The following EXT1 variants were observed in gnomAD, a reference collection of about 807,000 sequenced individuals.
EXT1 encodes the protein exostosin glycosyltransferase 1.
EXT1 carries 20 observed loss-of-function variants against 82.5 expected under a neutral mutation model. That is an observed-to-expected ratio of 0.24 (90% CI 0.17 to 0.35). EXT1 has a LOEUF of 0.35. Ranked by LOEUF, EXT1 falls within the 10% of genes least tolerant of loss-of-function variation. The pLI, the probability that EXT1 is intolerant of heterozygous loss-of-function variation, is 1.00. For missense variants in EXT1, 757 were observed against 936.5 expected, an observed-to-expected ratio of 0.81 and a Z score of 2.50; for synonymous variants, 348 against 350.8, an observed-to-expected ratio of 0.99 and a Z score of 0.09.
chr8:117,897,591 C>CTCTTT (rs775608794), intron 1 of EXT1, among the ~76,000 whole-genome samples: 1 of 90,692 alleles, frequency 1.1e-5, no homozygotes, highest in African/African-American at 4.4e-5. Context: ...CTTCTTTTCT[C>CTCTTT]TTTTTTTTTT....
chr8:117,817,606 T>C (rs1465572593), intron 7 of EXT1, among the ~76,000 whole-genome samples: 1 of 151,984 alleles, frequency 6.6e-6, no homozygotes, highest in African/African-American at 2.4e-5. Flanking sequence ...AAAGAATATA[T>C]GGGAATGTTG....
intron 1 of EXT1, among the ~76,000 whole-genome samples, chr8:117,957,048 C>A (rs1174195461): frequency 6.6e-6 from 1 of 152,180 alleles, no homozygotes; most frequent in East Asian, 1.9e-4. Flanking sequence ...CTGGAACCAT[C>A]TGATAGTTCC....
chr8:117,833,090 T>C (rs1236468515), intron 3 of EXT1, among the ~76,000 whole-genome samples: 1 of 152,126 alleles, frequency 6.6e-6, no homozygotes, highest in African/African-American at 2.4e-5. Flanking sequence ...CAAAAAAACA[T>C]TTCCCAGAGC....
intron 1 of EXT1, among the ~76,000 whole-genome samples, chr8:117,917,798 C>A (rs1051374531): frequency 1.3e-5 from 2 of 152,136 alleles, no homozygotes; most frequent in Non-Finnish European, 2.9e-5. Context: ...TGGTGGGTGG[C>A]GCTGTTAGTC....
intron 1 of EXT1, among the ~76,000 whole-genome samples, chr8:117,944,840 G>T (rs1814354992): frequency 1.3e-5 from 2 of 152,018 alleles, no homozygotes. Flanking sequence ...GAACCTCTAT[G>T]GACCAGGTCT....
chr8:117,935,973 A>G (rs536071676), intron 1 of EXT1, among the ~76,000 whole-genome samples: 43 of 152,336 alleles, frequency 2.8e-4, no homozygotes, highest in African/African-American at 1.0e-3. Flanking sequence ...AGTCGCTTTC[A>G]TAAAATCTTG....
At chr8:117,998,709 A>G (rs1048332536) in intron 1 of EXT1, among the ~76,000 whole-genome samples, 1 of 152,192 alleles carries the variant, frequency 6.6e-6, no homozygotes, top group African/African-American at 2.4e-5. Context: ...ACACAAATAT[A>G]GAAGAGCTGA....
intron 3 of EXT1, among the ~76,000 whole-genome samples, 162 bp downstream of exon 3, chr8:117,835,282 C>T (rs1196881646): frequency 1.3e-5 from 2 of 152,156 alleles, no homozygotes; most frequent in Non-Finnish European, 2.9e-5. Context: ...GGAAAGTGAA[C>T]AATGTCATAT....
At chr8:118,083,068 T>C (rs941625097) in intron 1 of EXT1, among the ~76,000 whole-genome samples, 4 of 152,138 alleles carry the variant, frequency 2.6e-5, no homozygotes, top group Non-Finnish European at 4.4e-5. Flanking sequence ...ACAAGACCAA[T>C]TGACAGTTAA....
At chr8:118,047,882 A>C (rs1415578910) in intron 1 of EXT1, among the ~76,000 whole-genome samples, 1 of 152,120 alleles carries the variant, frequency 6.6e-6, no homozygotes, top group Non-Finnish European at 1.5e-5. Flanking sequence ...TCAATCAATC[A>C]ATTAATCAAT....
intron 1 of EXT1, among the ~76,000 whole-genome samples, chr8:117,870,915 A>C (rs1416065895): frequency 1.3e-5 from 2 of 152,196 alleles, no homozygotes; most frequent in Non-Finnish European, 2.9e-5. Context: ...TTAGTATTAT[A>C]AACAGCATTC....
chr8:118,014,385 T>C (rs552864208), intron 1 of EXT1, among the ~76,000 whole-genome samples: 3 of 152,338 alleles, frequency 2.0e-5, no homozygotes, highest in Admixed American at 6.5e-5. Context: ...ATGTATTTTA[T>C]GCAAAATAGT....
chr8:117,969,122 G>C (rs937665137), intron 1 of EXT1, among the ~76,000 whole-genome samples: 1 of 152,074 alleles, frequency 6.6e-6, no homozygotes, highest in Non-Finnish European at 1.5e-5. Context: ...CAAAAGCCTC[G>C]GGGCAGGGTC....
chr8:117,861,488 C>CTTTTTTTTTTTT (rs755653091), intron 1 of EXT1, among the ~76,000 whole-genome samples: 1 of 86,850 alleles, frequency 1.2e-5, no homozygotes, highest in South Asian at 5.0e-4. Flanking sequence ...AAGTTTTTAT[C>CTTTTTTTTTTTT]TTTTTTTTTT....
At chr8:117,998,754 G>C (rs1262984033) in intron 1 of EXT1, among the ~76,000 whole-genome samples, 1 of 152,124 alleles carries the variant, frequency 6.6e-6, no homozygotes, top group Non-Finnish European at 1.5e-5. Flanking sequence ...TGTTACCGAG[G>C]GCTAACTTGT....
At chr8:118,082,376 G>C (rs1467525513) in intron 1 of EXT1, among the ~76,000 whole-genome samples, 1 of 152,052 alleles carries the variant, frequency 6.6e-6, no homozygotes, top group African/African-American at 2.4e-5. Flanking sequence ...ACATCTGAGA[G>C]GAAAAAAAGT....
intron 1 of EXT1, among the ~76,000 whole-genome samples, chr8:117,843,383 C>A (rs1464499135): frequency 6.6e-6 from 1 of 152,158 alleles, no homozygotes; most frequent in Non-Finnish European, 1.5e-5. Flanking sequence ...AGAAGAGAAG[C>A]AATGGCCACA....
chr8:118,047,807 C>T (rs1016283516), intron 1 of EXT1, among the ~76,000 whole-genome samples: 3 of 152,180 alleles, frequency 2.0e-5, no homozygotes, highest in African/African-American at 7.2e-5. Flanking sequence ...ATTCACCTGT[C>T]ACCTACATTT....
At chr8:118,030,292 C>G (rs1816285823) in intron 1 of EXT1, among the ~76,000 whole-genome samples, 1 of 149,664 alleles carries the variant, frequency 6.7e-6, no homozygotes, top group African/African-American at 2.4e-5. Flanking sequence ...AGGGCTGACA[C>G]AAGAGGCTGA....
Sources: gnomAD v4.1 joint callset for allele counts (sites outside exome capture counted in the v4.1 genomes callset) on GRCh38, gnomAD v4.1.1 for gene constraint, MANE v1.5 for transcripts, NCBI Gene and HGNC (gene_info 2026-07-23, HGNC 2026-07-21) for gene names.